IL1RAPL2: variants seen among roughly 807,000 people sequenced by gnomAD.
The protein encoded by IL1RAPL2 is X-linked interleukin-1 receptor accessory protein-like 2.
In IL1RAPL2, 3 loss-of-function variants were observed where a neutral mutation model predicts 44.1. The observed-to-expected ratio is 0.07, with a 90% CI of 0.03 to 0.18. The LOEUF is 0.18. Ranked by LOEUF, IL1RAPL2 falls within the 10% of genes least tolerant of loss-of-function variation. The pLI is 1.00. For synonymous variants in IL1RAPL2, 181 were observed against 178.8 expected (o/e 1.01, Z -0.10); for missense variants, 391 against 496.4 (o/e 0.79, Z 2.02).
intron 6 of IL1RAPL2, among the ~76,000 whole-genome samples, chrX:105,489,077 C>G (rs1346250833): frequency 1.8e-5 from 2 of 111,847 alleles, no homozygotes; most frequent in Admixed American, 1.9e-4. Context: ...AGATGATAAA[C>G]ACATTCTTAA....
At chrX:104,640,173 T>C (rs1167104167) in intron 1 of IL1RAPL2, among the ~76,000 whole-genome samples, 1 of 112,202 alleles carries the variant, frequency 8.9e-6, no homozygotes. Context: ...GTTCATTCTT[T>C]TAAATTACTT....
chrX:105,135,068 C>T (rs1196889778), intron 2 of IL1RAPL2, among the ~76,000 whole-genome samples: 1 of 109,953 alleles, frequency 9.1e-6, no homozygotes, highest in Non-Finnish European at 1.9e-5. Flanking sequence ...AAAAAGATGC[C>T]CACTTGCAAC....
chrX:105,434,836 T>C (rs2035870599), intron 5 of IL1RAPL2, among the ~76,000 whole-genome samples: 1 of 112,218 alleles, frequency 8.9e-6, no homozygotes, highest in South Asian at 3.6e-4. Flanking sequence ...AGGGTTTTTA[T>C]GGTTTTGGGT....
At chrX:105,467,995 TG>T (rs1188210090) in intron 5 of IL1RAPL2, among the ~76,000 whole-genome samples, 3 of 111,979 alleles carry the variant, frequency 2.7e-5, no homozygotes, top group African/African-American at 9.7e-5. Context: ...TAGGTAATTC[TG>T]GTAATAAGGC....
intron 2 of IL1RAPL2, among the ~76,000 whole-genome samples, chrX:104,898,752 G>A (rs987168732): frequency 3.6e-5 from 4 of 112,199 alleles, no homozygotes; most frequent in Non-Finnish European, 7.5e-5. Flanking sequence ...TCTCTGAGCT[G>A]AACATTTTCT....
At chrX:105,012,645 T>TCA (rs1168286976) in intron 2 of IL1RAPL2, among the ~76,000 whole-genome samples, 210 of 48,435 alleles carry the variant, frequency 4.3e-3, no homozygotes, top group East Asian at 6.7e-3. Flanking sequence ...TCTCTCTCTC[T>TCA]CACACACACA....
chrX:105,136,887 C>T (rs975168365), intron 2 of IL1RAPL2, among the ~76,000 whole-genome samples: 1 of 112,218 alleles, frequency 8.9e-6, no homozygotes, highest in Non-Finnish European at 1.9e-5. Flanking sequence ...AATTAAAATG[C>T]CCTGCTACAT....
chrX:105,710,784 G>C (rs1446555875), intron 6 of IL1RAPL2, among the ~76,000 whole-genome samples: 1 of 109,232 alleles, frequency 9.2e-6, no homozygotes, highest in Non-Finnish European at 1.9e-5. Context: ...CAGTTTGTTT[G>C]AGATAATAAT....
intron 5 of IL1RAPL2, among the ~76,000 whole-genome samples, chrX:105,400,405 C>T (rs759413290): frequency 9.0e-6 from 1 of 110,971 alleles, no homozygotes; most frequent in Non-Finnish European, 1.9e-5. Flanking sequence ...ATTGTGCGGG[C>T]TCTTATATCA....
At chrX:104,869,032 C>T (rs979657856) in intron 2 of IL1RAPL2, among the ~76,000 whole-genome samples, 1 of 111,021 alleles carries the variant, frequency 9.0e-6, no homozygotes, top group African/African-American at 3.3e-5. Context: ...AACACTGTTG[C>T]CTGGGATGAA....
chrX:104,986,842 A>G (rs2030570213), intron 2 of IL1RAPL2, among the ~76,000 whole-genome samples: 1 of 112,097 alleles, frequency 8.9e-6, no homozygotes, highest in African/African-American at 3.2e-5. Context: ...TATAGAAACA[A>G]CTTCAATCTC....
intron 6 of IL1RAPL2, among the ~76,000 whole-genome samples, chrX:105,633,466 C>T (rs891865726): frequency 4.5e-5 from 5 of 111,507 alleles, no homozygotes; most frequent in African/African-American, 1.6e-4. Flanking sequence ...AATATAAATA[C>T]AGAAACAACT....
intron 5 of IL1RAPL2, among the ~76,000 whole-genome samples, chrX:105,458,375 T>C (rs1280027509): frequency 9.0e-6 from 1 of 111,628 alleles, no homozygotes; most frequent in Non-Finnish European, 1.9e-5. Context: ...TTGTAGCAAA[T>C]CCAATACCAC....
chrX:105,046,842 G>C (rs1446864279), intron 2 of IL1RAPL2, among the ~76,000 whole-genome samples: 2 of 91,435 alleles, frequency 2.2e-5, no homozygotes, highest in Non-Finnish European at 4.4e-5. Context: ...TTTTTGGGGG[G>C]GTGCTAGACC....
chrX:105,128,873 G>T, intron 2 of IL1RAPL2, among the ~76,000 whole-genome samples: 1 of 111,308 alleles, frequency 9.0e-6, no homozygotes, highest in Non-Finnish European at 1.9e-5. Context: ...AAGTAAGAGT[G>T]TTAGATTGAT....
chrX:105,667,335 G>A (rs1296043521), intron 6 of IL1RAPL2, among the ~76,000 whole-genome samples: 1 of 111,904 alleles, frequency 8.9e-6, no homozygotes, highest in East Asian at 2.8e-4. Flanking sequence ...AAAATCTGTT[G>A]TTTTAGCTTG....
intron 5 of IL1RAPL2, among the ~76,000 whole-genome samples, chrX:105,374,148 C>A (rs1336605572): frequency 9.6e-6 from 1 of 104,685 alleles, no homozygotes; most frequent in Admixed American, 1.0e-4. Flanking sequence ...AAAGAAAGAG[C>A]AGATGGCTGT....
At chrX:105,568,396 T>C (rs780422018) in intron 6 of IL1RAPL2, among the ~76,000 whole-genome samples, 7 of 111,976 alleles carry the variant, frequency 6.3e-5, no homozygotes, top group Admixed American at 4.7e-4. Flanking sequence ...CTAGAGTTAT[T>C]TCAAAAAGAA....
At chrX:105,581,845 A>G (rs1207700902) in intron 6 of IL1RAPL2, among the ~76,000 whole-genome samples, 3 of 108,559 alleles carry the variant, frequency 2.8e-5, no homozygotes, top group Non-Finnish European at 5.8e-5. Context: ...ACATACATGT[A>G]TGTGAATATT....
Sources: allele counts gnomAD v4.1 joint callset (sites outside exome capture counted in the v4.1 genomes callset), GRCh38; gene constraint gnomAD v4.1.1; transcripts MANE v1.5; gene names NCBI Gene and HGNC (gene_info 2026-07-23, HGNC 2026-07-21).